BLK: variants seen among roughly 807,000 people sequenced by gnomAD.
The protein encoded by BLK is BLK proto-oncogene, Src family tyrosine kinase.
A neutral mutation model predicts 61.8 loss-of-function variants in BLK; 64 were observed. The ratio of observed to expected loss-of-function variants is 1.03; its 90% CI spans 0.85 to 1.27. The LOEUF (loss-of-function observed/expected upper bound fraction) is 1.27, where lower values mean the gene tolerates loss of function less well. Ranked by LOEUF, BLK falls within the 50% of genes most tolerant of loss-of-function variation. BLK has a pLI of 0.00. For missense variants in BLK, 853 were observed against 660.5 expected (o/e 1.29, Z -3.19); for synonymous variants, 351 against 272.0 (o/e 1.29, Z -2.86).
At chr8:11,543,904 A>G (rs1800504130) in intron 2 of BLK, among the ~76,000 whole-genome samples, 2 of 152,172 alleles carry the variant, frequency 1.3e-5, no homozygotes, top group South Asian at 4.1e-4. Flanking sequence ...CTAGTCATGC[A>G]GTTTGATTTG....
At chr8:11,550,336 G>C in intron 6 of BLK, 74 bp downstream of exon 6, 8 of 1,398,878 alleles carry the variant, frequency 5.7e-6, no homozygotes, top group Non-Finnish European at 8.1e-6. Context: ...CCTGGCCCTG[G>C]AGTGAGAGGG....
At chr8:11,549,286 G>T (rs1480168923) in intron 5 of BLK, among the ~76,000 whole-genome samples, 164 bp downstream of exon 5, 1 of 152,148 alleles carries the variant, frequency 6.6e-6, no homozygotes, top group Non-Finnish European at 1.5e-5. Flanking sequence ...CTCTCTGCTG[G>T]CTCCAGACGA....
At chr8:11,529,863 C>T (rs1341291227) in intron 1 of BLK, among the ~76,000 whole-genome samples, 1 of 152,182 alleles carries the variant, frequency 6.6e-6, no homozygotes, top group Non-Finnish European at 1.5e-5. Context: ...AAAGTCCTAG[C>T]TTCAGGAGTC....
intron 1 of BLK, among the ~76,000 whole-genome samples, chr8:11,508,546 A>C (rs1011848385): frequency 3.3e-5 from 5 of 152,060 alleles, no homozygotes; most frequent in African/African-American, 1.2e-4. Flanking sequence ...GTGGCTTTTC[A>C]CTTCTTCCTT....
intron 1 of BLK, among the ~76,000 whole-genome samples, chr8:11,514,397 C>T (rs984845022): frequency 6.6e-6 from 1 of 152,250 alleles, no homozygotes; most frequent in Non-Finnish European, 1.5e-5. Context: ...AGGGTGTTTG[C>T]GGGCTACAGG....
chr8:11,520,476 C>CAAAAAAAAAAAAAAAAAAAAA (rs71203393), intron 1 of BLK, among the ~76,000 whole-genome samples: 2 of 69,678 alleles, frequency 2.9e-5, no homozygotes, highest in African/African-American at 1.0e-4. Flanking sequence ...GACCTTGTCT[C>CAAAAAAAAAAAAAAAAAAAAA]AAAAAAAAAA....
chr8:11,505,209 CA>C (rs547233514), intron 1 of BLK, among the ~76,000 whole-genome samples: 2 of 152,196 alleles, frequency 1.3e-5, no homozygotes, highest in South Asian at 4.1e-4. Flanking sequence ...AATTCTGTGC[CA>C]TAAAGTTTCC....
chr8:11,532,364 CA>C (rs1248358061), intron 1 of BLK, among the ~76,000 whole-genome samples: 3 of 36,178 alleles, frequency 8.3e-5, no homozygotes, highest in East Asian at 7.9e-4. Flanking sequence ...ATGCCCAGCT[CA>C]TTTTTTTTTT....
chr8:11,524,009 G>A (rs1175302066), intron 1 of BLK, among the ~76,000 whole-genome samples: 1 of 151,810 alleles, frequency 6.6e-6, no homozygotes, highest in East Asian at 1.9e-4. Context: ...TTCCGGTTAT[G>A]GAAACATAGC....
chr8:11,554,654 T>C (rs1801102681), intron 6 of BLK, 89 bp from the exon 7 acceptor site: 1 of 1,538,532 alleles, frequency 6.5e-7, no homozygotes, highest in African/African-American at 1.4e-5. Context: ...GGGGAACTTT[T>C]TTCAAAGCTT....
intron 3 of BLK, among the ~76,000 whole-genome samples, chr8:11,546,754 T>G (rs1800663495): frequency 6.6e-6 from 1 of 152,224 alleles, no homozygotes; most frequent in South Asian, 2.1e-4. Context: ...TTTTATGTTT[T>G]TACTAGTGAG....
In BLK at chr8:11,556,673, A is replaced by T. The variant is rs372387507; in HGVS notation, c.788A>T (p.Asn263Ile). ...GEVWMGYYKN[N>I]MKVAIKTLKE... The stretch of plus-strand genomic sequence containing the variant: ...CCGGGCTCAGGTTACTACAAAAACA[A>T]CATGAAGGTGGCCATTAAGACGCTG... Residue 263 changes from asparagine to isoleucine, a missense_variant, in exon 9 of 13, where the codon AAC (asparagine) becomes ATC (isoleucine). Transcript: ENST00000259089. 3.1e-6 allele frequency: 5 copies of T among 1,614,174 alleles called. No individual in the cohort carries two copies. Among genetic ancestry groups the T allele is most frequent in the Non-Finnish European group, 3.4e-6 (4 of 1,180,032 alleles).
chr8:11,527,068 C>T (rs910025969), intron 1 of BLK, among the ~76,000 whole-genome samples: 4 of 152,126 alleles, frequency 2.6e-5, no homozygotes, highest in Non-Finnish European at 4.4e-5. Context: ...GTCCTAGTGT[C>T]GCTTATTCTT....
intron 1 of BLK, among the ~76,000 whole-genome samples, chr8:11,516,160 C>T (rs1008263831): frequency 2.6e-5 from 4 of 152,212 alleles, no homozygotes; most frequent in African/African-American, 9.7e-5. Flanking sequence ...GAGAGTCAGA[C>T]ACAAAGGAGA....
At chr8:11,551,047 G>A (rs1043825181) in intron 6 of BLK, among the ~76,000 whole-genome samples, 1 of 152,014 alleles carries the variant, frequency 6.6e-6, no homozygotes, top group African/African-American at 2.4e-5. Context: ...CTGCTGTCCT[G>A]ACTTGGATGG....
intron 1 of BLK, among the ~76,000 whole-genome samples, chr8:11,534,511 C>T (rs565884151): frequency 6.6e-6 from 1 of 152,222 alleles, no homozygotes; most frequent in South Asian, 2.1e-4. Flanking sequence ...ACTCGATAAA[C>T]AAGTGTCTGT....
intron 1 of BLK, among the ~76,000 whole-genome samples, chr8:11,508,826 G>A (rs61254061): frequency 0.026 from 3,910 of 152,260 alleles, 195 homozygotes; most frequent in African/African-American, 0.091. Context: ...TCAGACAAGG[G>A]AGCAACTGAC....
intron 3 of BLK, 34 bp downstream of exon 3, chr8:11,546,137 C>T (rs1266798433): frequency 6.2e-7 from 1 of 1,611,826 alleles, no homozygotes; most frequent in Admixed American, 1.7e-5. Flanking sequence ...TGAGGCTCCA[C>T]AGCCCTCTCC....
rs1482604331 is a variant in BLK, at chr8:11,523,155, G to A, written c.-1-20069G>A. Among the ~76,000 whole-genome samples, 2 of 152,150 alleles carry A rather than the reference G, an allele frequency of 1.3e-5. 1 individual carries two copies. ...CTAGGAGTGAGGAAGACATTTGCAA[G>A]TGTGAACGACACAGGAAAGATTAAT... On this transcript the variant is annotated intron_variant, in intron 1 of 12. Transcript: ENST00000259089.
Sources: gnomAD v4.1 joint callset for allele counts (sites outside exome capture counted in the v4.1 genomes callset) on GRCh38, gnomAD v4.1.1 for gene constraint, MANE v1.5 for transcripts, NCBI Gene and HGNC (gene_info 2026-07-23, HGNC 2026-07-21) for gene names.